EPHA7: variants seen among roughly 807,000 people sequenced by gnomAD.
The protein encoded by EPHA7 is EPH receptor A7, also known as ephrin type-A receptor 7.
EPHA7 carries 25 observed loss-of-function variants against 112.6 expected under a neutral mutation model. The observed-to-expected ratio is 0.22, with a 90% CI of 0.16 to 0.31. The LOEUF is 0.31. Ranked by LOEUF, EPHA7 falls within the 10% of genes least tolerant of loss-of-function variation. EPHA7 has a pLI of 1.00. For synonymous variants in EPHA7, 437 were observed against 406.5 expected, an observed-to-expected ratio of 1.07 and a Z score of -0.90; for missense variants, 962 against 1,212.6, an observed-to-expected ratio of 0.79 and a Z score of 3.07.
intron 5 of EPHA7, among the ~76,000 whole-genome samples, chr6:93,284,300 G>A (rs978556202): frequency 2.7e-5 from 4 of 150,572 alleles, no homozygotes; most frequent in African/African-American, 4.9e-5. Context: ...ATTCTTCCTC[G>A]TTAGTGGCTT....
chr6:93,262,403 T>G (rs1226555416), intron 9 of EPHA7, among the ~76,000 whole-genome samples: 1 of 150,232 alleles, frequency 6.7e-6, no homozygotes, highest in African/African-American at 2.4e-5. Flanking sequence ...ACACACATAT[T>G]CAGTCATATT....
rs772456886 is a variant in EPHA7, at chr6:93,263,826, G to T, written c.1798+34C>A. On this transcript the variant is annotated intron_variant, in intron 9 of 16. Coordinates refer to ENST00000369303, the MANE Select transcript of EPHA7 (RefSeq NM_004440.4). ...ATAACCAGATTTTTCTGTTAATAGG[G>T]GTACATCATAATAAAGAAAAGCCAA... 8.3e-6 allele frequency: 13 copies of T among 1,572,074 alleles called. No individual in the cohort carries two copies. In the South Asian group the frequency reaches 1.3e-4, roughly 16 times the overall value.
chr6:93,364,344 C>T (rs181263667), intron 3 of EPHA7, among the ~76,000 whole-genome samples: 3 of 151,808 alleles, frequency 2.0e-5, no homozygotes, highest in East Asian at 1.9e-4. Flanking sequence ...GCCAACATGA[C>T]GAAATCCTGT....
chr6:93,281,107 T>C (rs1771714975), intron 5 of EPHA7, among the ~76,000 whole-genome samples: 1 of 152,166 alleles, frequency 6.6e-6, no homozygotes, highest in Admixed American at 6.5e-5. Context: ...GCTATTTCAG[T>C]AAATAATCCA....
At chr6:93,351,600 G>A (rs912431571) in intron 5 of EPHA7, among the ~76,000 whole-genome samples, 5 of 151,878 alleles carry the variant, frequency 3.3e-5, no homozygotes, top group South Asian at 2.1e-4. Flanking sequence ...ATAGTGATAC[G>A]TTTGTACTCT....
At chr6:93,323,399 TCCA>T (rs1774171942) in intron 5 of EPHA7, among the ~76,000 whole-genome samples, 1 of 151,432 alleles carries the variant, frequency 6.6e-6, no homozygotes, top group African/African-American at 2.4e-5. Flanking sequence ...TCGATTACCA[TCCA>T]CCACTTCTTA....
chr6:93,272,825 T>C (rs1453408679), intron 5 of EPHA7, among the ~76,000 whole-genome samples: 9 of 151,954 alleles, frequency 5.9e-5, no homozygotes, highest in Non-Finnish European at 1.2e-4. Context: ...TAATTTAATA[T>C]GATGCAAGAA....
intron 5 of EPHA7, among the ~76,000 whole-genome samples, chr6:93,307,655 A>G (rs1328526234): frequency 6.6e-6 from 1 of 152,178 alleles, no homozygotes; most frequent in Non-Finnish European, 1.5e-5. Flanking sequence ...CATTCAGATT[A>G]AGTAGTTAGT....
rs1451585770 is a variant in EPHA7, at chr6:93,241,642, G to A, written c.*1784C>T. ...TTTAAAACCAAAAAAAAAGGGTGGG[G>A]AGGGGTTTGGGAAGCAATCCATTTG... On this transcript the variant is annotated 3_prime_UTR_variant, in exon 17 of 17. Transcript: ENST00000369303. The A allele has an allele frequency of 4.5e-6, 1 of 223,642 alleles. No homozygotes were observed. The highest frequency in any genetic ancestry group is 9.0e-6 in the Non-Finnish European group (1 of 111,646). The allele number at this position is 223,642 out of a possible 1,614,324, so 13.9% of individuals were successfully genotyped here.
intron 5 of EPHA7, among the ~76,000 whole-genome samples, chr6:93,300,760 C>G (rs944937940): frequency 6.6e-6 from 1 of 152,092 alleles, no homozygotes; most frequent in African/African-American, 2.4e-5. Context: ...TTAATTTGTT[C>G]TGTTGCATGA....
chr6:93,365,916 CAT>C (rs1312968066), intron 3 of EPHA7, among the ~76,000 whole-genome samples: 6 of 151,884 alleles, frequency 4.0e-5, no homozygotes, highest in African/African-American at 9.7e-5. Flanking sequence ...TTATTAATAA[CAT>C]ATAGTGGAAA....
At chr6:93,320,791 T>G (rs1774030610) in intron 5 of EPHA7, among the ~76,000 whole-genome samples, 1 of 151,946 alleles carries the variant, frequency 6.6e-6, no homozygotes, top group African/African-American at 2.4e-5. Flanking sequence ...TTTAATGCTT[T>G]AGAGACAAGA....
chr6:93,356,873 G>A lies in EPHA7; in HGVS notation c.1168C>T (p.Pro390Ser). 2 of 1,614,134 alleles carry A rather than the reference G, an allele frequency of 1.2e-6. No individual in the cohort carries two copies. Among genetic ancestry groups the A allele is most frequent in the Non-Finnish European group, 1.7e-6 (2 of 1,180,014 alleles). The change falls in exon 5 of 17, where the codon CCC becomes TCC. Residue 390 changes from proline (P) to serine (S), a missense_variant. Physicochemically the swap from Pro to Ser is moderately conservative, Grantham distance 74. This residue lies in a region of EPHA7 where 746 missense variants were observed against 889.2 expected (regional missense o/e 0.84). Transcript: ENST00000369303. ...TTATCCTCTAATCCAGTCTGCTGGGGCATGTATCCAATGTTACTCCCACAG... is the reference window on the plus strand; with the variant it reads ...TTATCCTCTAATCCAGTCTGCTGGGACATGTATCCAATGTTACTCCCACAG... ...VPCGSNIGYM[P>S]QQTGLEDNYV...
intron 11 of EPHA7, 73 bp downstream of exon 11, chr6:93,258,026 T>G (rs1409907259): frequency 1.5e-6 from 2 of 1,368,164 alleles, no homozygotes; most frequent in African/African-American, 2.9e-5. Flanking sequence ...TAATTTGTTT[T>G]ATTGTGTACA....
chr6:93,271,570 T>C (rs1371490109), intron 6 of EPHA7, among the ~76,000 whole-genome samples: 1 of 151,890 alleles, frequency 6.6e-6, no homozygotes, highest in Non-Finnish European at 1.5e-5. Flanking sequence ...TCTGTGAACA[T>C]GGCTCACATA....
intron 3 of EPHA7, among the ~76,000 whole-genome samples, chr6:93,365,789 G>A (rs952635620): frequency 1.3e-5 from 2 of 152,164 alleles, no homozygotes; most frequent in Admixed American, 6.5e-5. Flanking sequence ...TTTCATAACA[G>A]GTACTTAAGT....
intron 3 of EPHA7, among the ~76,000 whole-genome samples, chr6:93,380,443 T>G (rs1777280749): frequency 3.3e-5 from 5 of 152,080 alleles, no homozygotes; most frequent in Admixed American, 3.3e-4. Flanking sequence ...GAACAGAATT[T>G]TTTAAGATGT....
intron 5 of EPHA7, among the ~76,000 whole-genome samples, chr6:93,302,269 T>C (rs1321433543): frequency 6.6e-6 from 1 of 152,164 alleles, no homozygotes; most frequent in Non-Finnish European, 1.5e-5. Flanking sequence ...CCTAGCTCAC[T>C]GACATTTTTA....
intron 3 of EPHA7, among the ~76,000 whole-genome samples, chr6:93,364,733 C>A (rs929055785): frequency 1.9e-4 from 29 of 151,866 alleles, no homozygotes; most frequent in African/African-American, 6.8e-4. Context: ...ACTGTGTACT[C>A]ACAAAAATTA....
Sources: gnomAD v4.1 joint callset for allele counts (sites outside exome capture counted in the v4.1 genomes callset) on GRCh38, gnomAD v4.1.1 for gene constraint, gnomAD v4.1.1 regional missense constraint, MANE v1.5 for transcripts, NCBI Gene and HGNC (gene_info 2026-07-23, HGNC 2026-07-21) for gene names.